Variants in SYNJ2 observed in about 807,000 individuals in gnomAD.
SYNJ2 encodes the protein polyphosphatidylinositol phosphatase SYNJ2.
SYNJ2 carries 116 observed loss-of-function variants against 141.3 expected under a neutral mutation model. The observed-to-expected ratio is 0.82, with a 90% confidence interval of 0.71 to 0.96. SYNJ2 has a LOEUF of 0.96. Among genes scored for constraint, SYNJ2 ranks in the 40% least tolerant of loss-of-function variants. The pLI is 0.00. For synonymous variants in SYNJ2, 745 were observed against 777.7 expected (o/e 0.96, Z 0.70); for missense variants, 1,873 against 1,934.8 (o/e 0.97, Z 0.60).
chr6:158,027,271 G>A lies in SYNJ2; in HGVS notation c.215-1485G>A. On this transcript the variant is annotated intron_variant, in intron 2 of 26. Transcript: ENST00000355585. The surrounding 1 kb of genome is among the most constrained non-coding windows in gnomAD (Gnocchi z 4.6). Reference sequence around the variant, plus strand: ...CTCCAGACCATGGCTGTAGACAGCGGCCCTTGATCATTCACAGAAGATCTC... The same window carrying A: ...CTCCAGACCATGGCTGTAGACAGCGACCCTTGATCATTCACAGAAGATCTC... 2 of 902,084 alleles carry A rather than the reference G, an allele frequency of 2.2e-6. No individual in the cohort carries two copies. Among genetic ancestry groups the A allele is most frequent in the South Asian group, 1.0e-4 (2 of 19,566 alleles). The allele number at this position is 902,084 out of a possible 1,614,324, so 55.9% of individuals were successfully genotyped here. A position where few individuals can be genotyped will look rare whatever the true frequency, so the allele number is the denominator to read the frequency against.
Position 158,096,344 on chromosome 6 carries a change from G to T in SYNJ2, c.4471G>T (p.Asp1491Tyr). 2 of 1,607,540 alleles carry T rather than the reference G, an allele frequency of 1.2e-6. No individual in the cohort carries two copies. The highest frequency in any genetic ancestry group is 1.1e-5 in the South Asian group (1 of 90,008). ...AAAGAGGACAGCACTGCAGGTGTTT[G>T]ACCCACTGGCAAAAACATGACTGAG... ...QEKRTALQVF[D>Y]PLAKT The change falls in exon 27 of 27, where the codon GAC (aspartate) becomes TAC (tyrosine). Residue 1491 changes from aspartate to tyrosine, a missense_variant. Transcript: ENST00000355585.
intron 26 of SYNJ2, among the ~76,000 whole-genome samples, chr6:158,094,390 T>C (rs1441754757): frequency 1.2e-5 from 1 of 81,044 alleles, no homozygotes; most frequent in Non-Finnish European, 2.1e-5. Context: ...AGCCTACGGC[T>C]GGGCAAAAAA....
intron 1 of SYNJ2, among the ~76,000 whole-genome samples, chr6:157,984,458 G>T (rs1273307337): frequency 6.6e-6 from 1 of 152,154 alleles, no homozygotes. Context: ...GAGTGAAGTG[G>T]TGCGATCTCG....
chr6:158,033,299 A>T (rs563017437), intron 3 of SYNJ2, among the ~76,000 whole-genome samples, 156 bp from the exon 4 acceptor site: 7 of 152,358 alleles, frequency 4.6e-5, no homozygotes, highest in Non-Finnish European at 8.8e-5. Flanking sequence ...AGATCTGTAC[A>T]GCCCAAGTGC....
Position 158,074,797 on chromosome 6 carries a change from G to A in SYNJ2, c.2292+59G>A, listed in dbSNP as rs1045766097. The stretch of plus-strand genomic sequence containing the variant: ...TGCTCCAAGATGGAATGACATCTGT[G>A]AGATGTAGAGGCTGGTGCAGCAAAT... On this transcript the variant is annotated intron_variant, in intron 16 of 26. Transcript: ENST00000355585. 3.4e-5 allele frequency: 53 copies of A among 1,581,216 alleles called. No homozygotes were observed. The African/African-American group carries it at 6.8e-4, about 20-fold the overall frequency.
Position 158,071,727 on chromosome 6 carries a change from G to T in SYNJ2, c.2066G>T (p.Gly689Val). The part of the protein sequence containing the change: ...FCFICSHLTA[G>V]QSQVKERNED... ...TTCATATGTAGTCACCTGACGGCCG[G>T]GCAGTCCCAGGTGAAGGAGCGGAAT... Residue 689 changes from glycine (G) to valine (V), a missense_variant, in exon 15 of 27, where the codon GGG becomes GTG. Transcript: ENST00000355585. This position sits in a 1 kb window ranked among gnomAD's most constrained non-coding sequence, Gnocchi z 4.3. 6.2e-7 allele frequency: 1 copy of T among 1,614,034 alleles called. No homozygotes were observed. Among genetic ancestry groups the T allele is most frequent in the Non-Finnish European group, 8.5e-7 (1 of 1,180,044 alleles).
chr6:158,024,079 T>A (rs1778912690), intron 2 of SYNJ2, among the ~76,000 whole-genome samples: 1 of 152,198 alleles, frequency 6.6e-6, no homozygotes, highest in Non-Finnish European at 1.5e-5. Context: ...TAAATATTTA[T>A]TCATCTCATT....
At chr6:158,042,236 A>G (rs1224599928) in intron 4 of SYNJ2, among the ~76,000 whole-genome samples, 2 of 152,256 alleles carry the variant, frequency 1.3e-5, no homozygotes, top group East Asian at 1.9e-4. Context: ...AACAGACAGC[A>G]TGTTCTTAAC....
rs1783890240 is a variant in SYNJ2 at position 158,098,280 on chromosome 6, T to TGA, written c.*1916_*1917insGA. 2 of 152,226 alleles carry TGA rather than the reference T, an allele frequency of 1.3e-5. No homozygotes were observed. Among genetic ancestry groups the TGA allele is most frequent in the African/African-American group, 4.8e-5 (2 of 41,466 alleles). The allele number at this position is 152,226 out of a possible 1,614,324, so 9.4% of individuals were successfully genotyped here. A position where few individuals can be genotyped will look rare whatever the true frequency, so the allele number is the denominator to read the frequency against. On this transcript the variant is annotated 3_prime_UTR_variant, in exon 27 of 27. Coordinates refer to ENST00000355585, the MANE Select transcript of SYNJ2 (RefSeq NM_003898.4). ...TAGATCTCATTTTTAGGTTTTCTCT[T>TGA]CGTTCCAGATACCAAATAAATGGGA...
intron 2 of SYNJ2, among the ~76,000 whole-genome samples, chr6:158,023,008 A>G (rs1778855567): frequency 6.6e-6 from 1 of 152,056 alleles, no homozygotes; most frequent in South Asian, 2.1e-4. Context: ...CTAGCACCTC[A>G]GGGGGCCGAG....
rs139488279 is a variant in SYNJ2, at chr6:158,061,760, C to A, written c.955-232C>A. ...TCTGGCTTCTTTTGCTCAAGGGGGA[C>A]CTTCTGCCCTTTCGCAGGCAAGACG... On this transcript the variant is annotated intron_variant, in intron 7 of 26. Transcript: ENST00000355585. 3.9e-3 allele frequency among the ~76,000 whole-genome samples: 593 copies of A among 152,336 alleles called. 3 individuals carry two copies. The highest frequency in any genetic ancestry group is 0.013 in the African/African-American group (546 of 41,578).
chr6:157,993,378 T>G (rs1213641137), intron 1 of SYNJ2, among the ~76,000 whole-genome samples: 1 of 152,174 alleles, frequency 6.6e-6, no homozygotes, highest in Non-Finnish European at 1.5e-5. Flanking sequence ...TTGGATCGGA[T>G]TATTAGATTT....
At chr6:158,039,294 C>T (rs1228514580) in intron 4 of SYNJ2, among the ~76,000 whole-genome samples, 1 of 152,262 alleles carries the variant, frequency 6.6e-6, no homozygotes, top group African/African-American at 2.4e-5. Context: ...GGCAGCCCCG[C>T]TGCCCTCCCT....
At chr6:157,981,641 T>C (rs1276234830), upstream of SYNJ2, among the ~76,000 whole-genome samples, 1 of 151,670 alleles carries the variant, frequency 6.6e-6, no homozygotes, top group Admixed American at 6.6e-5. This position sits in a 1 kb window ranked among gnomAD's most constrained non-coding sequence, Gnocchi z 6.4. Flanking sequence ...GAGGAATGCG[T>C]GGCATCCGGG....
intron 4 of SYNJ2, among the ~76,000 whole-genome samples, chr6:158,034,430 C>T (rs1048573570): frequency 2.0e-5 from 3 of 152,222 alleles, no homozygotes; most frequent in Admixed American, 6.5e-5. Flanking sequence ...GTGCGTCCCC[C>T]CTCGCTGCCG....
chr6:158,055,024 G>GGT lies in SYNJ2; in HGVS notation c.853_854insGT (p.Asp285GlyfsTer8). 1 of 1,613,742 alleles carries GGT rather than the reference G, an allele frequency of 6.2e-7. No individual in the cohort carries two copies. The highest frequency in any genetic ancestry group is 8.5e-7 in the Non-Finnish European group (1 of 1,179,988). ...CCTGGAAGCCAATGCCCCTGCTTTC[G>GGT]ACAGGTAGGGATTGTCTGACACCAT... On this transcript the variant is annotated frameshift_variant, in exon 6 of 27. Coordinates refer to ENST00000355585, the MANE Select transcript of SYNJ2 (RefSeq NM_003898.4). LOFTEE classifies it high-confidence loss of function.
intron 26 of SYNJ2, 59 bp downstream of exon 26, chr6:158,093,163 T>C: frequency 3.2e-6 from 5 of 1,540,372 alleles, no homozygotes; most frequent in South Asian, 1.2e-5. Context: ...TCTCGATAGA[T>C]AAGAATTGTG....
chr6:158,071,892 G>A lies in SYNJ2; in HGVS notation c.2133+98G>A. 7.2e-7 allele frequency: 1 copy of A among 1,381,298 alleles called. No homozygotes were observed. The highest frequency in any genetic ancestry group is 1.4e-5 in the African/African-American group (1 of 69,720). The allele number at this position is 1,381,298 out of a possible 1,614,324, so 85.6% of individuals were successfully genotyped here. On this transcript the variant is annotated intron_variant, in intron 15 of 26. Transcript: ENST00000355585. This position sits in a 1 kb window ranked among gnomAD's most constrained non-coding sequence, Gnocchi z 4.3. The stretch of plus-strand genomic sequence containing the variant: ...CAGGCACTGGGGACACAACCACAGG[G>A]AGGGCCCCTTCCTGGAGGGCTCAGC...
intron 1 of SYNJ2, among the ~76,000 whole-genome samples, chr6:157,983,953 G>A (rs1469693868): frequency 6.6e-6 from 1 of 151,944 alleles, no homozygotes; most frequent in African/African-American, 2.4e-5. Context: ...TCAGCCTCCT[G>A]AGTAGCTGGG....
Sources: allele counts gnomAD v4.1 joint callset (sites outside exome capture counted in the v4.1 genomes callset), GRCh38; gene constraint gnomAD v4.1.1; non-coding constraint Gnocchi (gnomAD v3.1); transcripts MANE v1.5; gene names NCBI Gene and HGNC (gene_info 2026-07-23, HGNC 2026-07-21).